CTNNA3: variants seen among roughly 807,000 people sequenced by gnomAD.
CTNNA3 encodes the protein catenin alpha 3.
In CTNNA3, 76 loss-of-function variants were observed where a neutral mutation model predicts 95.7. The ratio of observed to expected loss-of-function variants is 0.79; its 90% CI spans 0.66 to 0.96. The LOEUF is 0.96. Ranked by LOEUF, CTNNA3 falls within the 40% of genes least tolerant of loss-of-function variation. The pLI, the probability that CTNNA3 is intolerant of heterozygous loss-of-function variation, is 0.00. For missense variants in CTNNA3, 1,191 were observed against 1,089.8 expected (o/e 1.09, Z -1.31); for synonymous variants, 431 against 374.4 (o/e 1.15, Z -1.74).
chr10:66,050,956 TG>T (rs1458884884), intron 15 of CTNNA3, among the ~76,000 whole-genome samples: 1 of 152,048 alleles, frequency 6.6e-6, no homozygotes, highest in Non-Finnish European at 1.5e-5. Flanking sequence ...TGGGCTCAAG[TG>T]ATCCTCTCGC....
At position 66,028,525 on chromosome 10, in the gene CTNNA3, C is replaced by T. The variant is rs1405816080; in HGVS notation, c.2160-39728G>A. Among the ~76,000 whole-genome samples the T allele has an allele frequency of 1.3e-5, 2 of 151,238 alleles. 1 individual carries two copies. The highest frequency in any genetic ancestry group is 4.9e-5 in the African/African-American group (2 of 41,162). On this transcript the variant is annotated intron_variant, in intron 15 of 17. Transcript: ENST00000433211. ...AAACCAAACACCGCATGTTCTCACT[C>T]ATAGGTGGGAATTGAACAATGAGGA... is the stretch of plus-strand genomic sequence containing the variant.
intron 7 of CTNNA3, among the ~76,000 whole-genome samples, chr10:66,871,287 G>A (rs888491563): frequency 2.6e-5 from 4 of 151,974 alleles, no homozygotes; most frequent in East Asian, 1.9e-4. Context: ...GGCTGGGCGC[G>A]GTGGCTCATG....
At chr10:66,592,272 A>G (rs1271259799) in intron 10 of CTNNA3, among the ~76,000 whole-genome samples, 1 of 152,000 alleles carries the variant, frequency 6.6e-6, no homozygotes. Flanking sequence ...AAGATCATGA[A>G]AAAAGTATTT....
At position 66,969,111 on chromosome 10, in the gene CTNNA3, C is replaced by T. The variant is rs542040087; in HGVS notation, c.1048-193587G>A. ...AAAATAACATCCATTGCTTTATTTT[C>T]TGACTGCAAAAGCAAATATACTCAT... On this transcript the variant is annotated intron_variant, in intron 7 of 17. Coordinates refer to ENST00000433211, the MANE Select transcript of CTNNA3 (RefSeq NM_013266.4). Among the ~76,000 whole-genome samples the T allele has an allele frequency of 3.9e-5, 6 of 152,034 alleles. 1 individual carries two copies. The highest frequency in any genetic ancestry group is 1.4e-4 in the African/African-American group (6 of 41,496).
intron 15 of CTNNA3, among the ~76,000 whole-genome samples, chr10:66,004,554 A>G (rs888308476): frequency 1.3e-5 from 2 of 152,176 alleles, no homozygotes; most frequent in Non-Finnish European, 2.9e-5. Context: ...AAAAGTAGCC[A>G]TTAATGTTAG....
intron 7 of CTNNA3, among the ~76,000 whole-genome samples, chr10:67,021,376 C>A (rs1853005285): frequency 6.6e-6 from 1 of 151,952 alleles, no homozygotes; most frequent in Non-Finnish European, 1.5e-5. Context: ...GTAAATAATA[C>A]TTTTGGAAAG....
intron 1 of CTNNA3, among the ~76,000 whole-genome samples, chr10:67,761,225 G>T (rs1011153964): frequency 1.3e-5 from 2 of 152,116 alleles, no homozygotes; most frequent in African/African-American, 4.8e-5. Flanking sequence ...GTCCAGCATT[G>T]ACCCAAATGT....
intron 12 of CTNNA3, among the ~76,000 whole-genome samples, chr10:66,368,611 T>C (rs973092062): frequency 1.3e-5 from 2 of 152,118 alleles, no homozygotes; most frequent in Non-Finnish European, 1.5e-5. Flanking sequence ...GACTCAAAGT[T>C]ATTTGATTGT....
At chr10:67,264,423 A>G (rs2043305227) in intron 5 of CTNNA3, among the ~76,000 whole-genome samples, 1 of 152,216 alleles carries the variant, frequency 6.6e-6, no homozygotes, top group Non-Finnish European at 1.5e-5. Context: ...CCAAACAGCT[A>G]TATGAGGTAC....
At chr10:67,056,943 G>C (rs78031898) in intron 7 of CTNNA3, among the ~76,000 whole-genome samples, 2,010 of 152,266 alleles carry the variant, frequency 0.013, 19 homozygotes, top group Non-Finnish European at 0.02. Context: ...GGGTGCAAAA[G>C]AGTGGGAACT....
intron 5 of CTNNA3, among the ~76,000 whole-genome samples, chr10:67,326,648 C>T (rs1315117434): frequency 6.6e-6 from 1 of 152,068 alleles, no homozygotes. Context: ...TCTCTAGCTG[C>T]CTTTAACACT....
At chr10:66,324,784 T>A (rs1487902800) in intron 12 of CTNNA3, among the ~76,000 whole-genome samples, 2 of 152,026 alleles carry the variant, frequency 1.3e-5, no homozygotes. Context: ...TCAGTTTGCT[T>A]TAATTAGTTT....
chr10:66,416,683 G>A (rs1421981082), intron 11 of CTNNA3, among the ~76,000 whole-genome samples: 1 of 151,848 alleles, frequency 6.6e-6, no homozygotes, highest in Admixed American at 6.6e-5. Flanking sequence ...AAGAAAAACT[G>A]CAAGCTAAGA....
At chr10:67,555,073 G>A (rs559369623) in intron 3 of CTNNA3, among the ~76,000 whole-genome samples, 8 of 152,116 alleles carry the variant, frequency 5.3e-5, no homozygotes, top group East Asian at 1.9e-4. Context: ...GTACATGTGC[G>A]GTATTATTTC....
intron 15 of CTNNA3, among the ~76,000 whole-genome samples, chr10:66,011,007 C>A (rs1371860268): frequency 2.0e-5 from 3 of 152,150 alleles, no homozygotes; most frequent in Admixed American, 6.5e-5. Context: ...CTGTCTCTGG[C>A]ATTTGTAGTC....
chr10:66,868,745 C>G (rs940948029), intron 7 of CTNNA3, among the ~76,000 whole-genome samples: 1 of 55,844 alleles, frequency 1.8e-5, no homozygotes, highest in East Asian at 7.4e-4. Flanking sequence ...AATGAGACTC[C>G]GTCTCAAAAA....
intron 1 of CTNNA3, among the ~76,000 whole-genome samples, chr10:67,758,078 A>T (rs1401111180): frequency 6.6e-6 from 1 of 151,796 alleles, no homozygotes; most frequent in Non-Finnish European, 1.5e-5. Context: ...GGAAGGGCAA[A>T]TTTTTTCTCT....
intron 12 of CTNNA3, among the ~76,000 whole-genome samples, chr10:66,344,427 C>T (rs986436174): frequency 7.3e-5 from 11 of 150,050 alleles, no homozygotes; most frequent in Middle Eastern, 3.5e-3. Flanking sequence ...CCACCATGCC[C>T]GGCTCATTTT....
chr10:67,387,912 A>C (rs201832973), intron 5 of CTNNA3, among the ~76,000 whole-genome samples: 8 of 151,604 alleles, frequency 5.3e-5, no homozygotes, highest in Non-Finnish European at 1.0e-4. Context: ...CCATCTGTAC[A>C]TCACCATCAT....
Sources: allele counts gnomAD v4.1 joint callset (sites outside exome capture counted in the v4.1 genomes callset), GRCh38; gene constraint gnomAD v4.1.1; transcripts MANE v1.5; gene names NCBI Gene and HGNC (gene_info 2026-07-23, HGNC 2026-07-21).